The following BUD31 variants were observed in gnomAD, a reference collection of about 807,000 sequenced individuals.
BUD31 encodes protein BUD31 homolog.
Under a neutral mutation model 17.9 loss-of-function variants are expected in BUD31, and 9 were observed. The ratio of observed to expected loss-of-function variants is 0.50; its 90% CI spans 0.30 to 0.88. BUD31 has a LOEUF of 0.88. Among genes scored for constraint, BUD31 ranks in the 40% least tolerant of loss-of-function variants. The pLI is 0.06. For synonymous variants in BUD31, 70 were observed against 64.7 expected (o/e 1.08, Z -0.39); for missense variants, 148 against 184.5 (o/e 0.80, Z 1.15).
At position 99,416,264 on chromosome 7, in the gene BUD31, A is replaced by G. The variant is rs775964260; in HGVS notation, c.217+4A>G. The stretch of plus-strand genomic sequence containing the variant: ...AAGCGGAAAGCCATCAGCAGAGGTA[A>G]TTAGTCAGTCTCTCTTGGACTTTGA... On this transcript the variant is annotated splice_donor_region_variant and intron_variant, in intron 4 of 5. Coordinates refer to ENST00000222969, the MANE Select transcript of BUD31 (RefSeq NM_003910.4). The G allele has an allele frequency of 1.1e-5, 18 of 1,613,198 alleles. No homozygotes were observed. The highest frequency in any genetic ancestry group is 1.4e-5 in the Non-Finnish European group (16 of 1,179,300).
chr7:99,415,735 G>T (rs578255982), intron 3 of BUD31, among the ~76,000 whole-genome samples: 4 of 150,944 alleles, frequency 2.6e-5, no homozygotes, highest in African/African-American at 9.7e-5. Flanking sequence ...GGCCCTGTCC[G>T]GGCATAACAG....
intron 1 of BUD31, among the ~76,000 whole-genome samples, chr7:99,409,769 C>CGGGGGGGGGGTGGGGGGGGG (rs1795098964): frequency 2.1e-5 from 1 of 48,710 alleles, no homozygotes; most frequent in African/African-American, 5.7e-5. Flanking sequence ...GCTCTGTGGG[C>CGGGGGGGGGGTGGGGGGGGG]GGGGGGGGGG....
intron 2 of BUD31, among the ~76,000 whole-genome samples, chr7:99,410,404 T>TTTTGTTTTG (rs1795133425): frequency 6.6e-6 from 1 of 151,088 alleles, no homozygotes; most frequent in East Asian, 2.0e-4. Context: ...ATTTTTTTTT[T>TTTTGTTTTG]TTTTTGGTAG....
chr7:99,415,150 G>A (rs1584435574), intron 3 of BUD31: 1 of 450,052 alleles, frequency 2.2e-6, no homozygotes, highest in African/African-American at 2.0e-5. Context: ...AGCTGAGCCT[G>A]GGAATCCCAC....
chr7:99,417,770 G>T (rs571988991), intron 5 of BUD31, 175 bp downstream of exon 5: 1 of 1,531,372 alleles, frequency 6.5e-7, no homozygotes, highest in Admixed American at 2.0e-5. Context: ...GTGAGGCAGC[G>T]TGTGGCTGTG....
chr7:99,410,333 C>T (rs987479740), intron 2 of BUD31, among the ~76,000 whole-genome samples, 164 bp downstream of exon 2: 17 of 151,988 alleles, frequency 1.1e-4, no homozygotes, highest in African/African-American at 3.9e-4. Flanking sequence ...ATCCTCTTGC[C>T]TCAGCCTTCC....
rs1013770408 is a variant in BUD31, at chr7:99,417,457, C to G, written c.246C>G (p.Gly82=). 1.2e-6 allele frequency: 2 copies of G among 1,613,334 alleles called. No individual in the cohort carries two copies. Among genetic ancestry groups the G allele is most frequent in the African/African-American group, 2.7e-5 (2 of 74,870 alleles). The change falls in exon 5 of 6, where the codon GGC becomes GGG. Residue 82 remains glycine, a synonymous_variant. Transcript: ENST00000222969. The part of the protein sequence containing the change: ...RELYEYCIKE[G]YADKNLIAKW... ...TCTATGAATATTGTATTAAAGAAGG[C>G]TATGCAGACAAAAACCTGATTGCAA...
chr7:99,419,596 T>TAA lies in BUD31; in HGVS notation c.*158_*159dup, dbSNP rs1042799353. On this transcript the variant is annotated 3_prime_UTR_variant, in exon 6 of 6. Transcript: ENST00000222969. ...GTCTATCAGCTGTGATTTGTAAAAATAAAATCTTTAAATCTCTCGAGCCCC... is the reference window on the plus strand; with the variant it reads ...GTCTATCAGCTGTGATTTGTAAAAATAAAAAATCTTTAAATCTCTCGAGCCCC... 2.2e-6 allele frequency: 2 copies of TAA among 891,204 alleles called. No homozygotes were observed. Among genetic ancestry groups the TAA allele is most frequent in the African/African-American group, 3.4e-5 (2 of 59,220 alleles). 55.2% of individuals were successfully genotyped at this position (891,204 alleles called of 1,614,324 possible).
chr7:99,415,604 C>T (rs189335811), intron 3 of BUD31, among the ~76,000 whole-genome samples: 4 of 152,150 alleles, frequency 2.6e-5, no homozygotes, highest in East Asian at 3.9e-4. Flanking sequence ...TTCCCTTTCC[C>T]GGTCTGCTAA....
chr7:99,412,174 G>A (rs1795217526), intron 3 of BUD31, among the ~76,000 whole-genome samples: 1 of 152,144 alleles, frequency 6.6e-6, no homozygotes, highest in Non-Finnish European at 1.5e-5. Context: ...TAAATACTCA[G>A]TACTTGTTTT....
chr7:99,416,717 CT>C (rs59301509), intron 4 of BUD31: 500 of 98,928 alleles, frequency 5.1e-3, no homozygotes, highest in South Asian at 8.3e-3. Context: ...CCGCTCTTGG[CT>C]TTTTTTTTTT....
intron 3 of BUD31, 52 bp from the exon 4 acceptor site, chr7:99,416,086 T>A: frequency 3.1e-6 from 5 of 1,599,386 alleles, no homozygotes; most frequent in Non-Finnish European, 4.3e-6. Context: ...AAAAAGAAAA[T>A]CCTGCGCAGA....
intron 3 of BUD31, chr7:99,415,278 T>C (rs1357668614): frequency 2.2e-6 from 1 of 455,986 alleles, no homozygotes; most frequent in Non-Finnish European, 4.4e-6. Context: ...TAAGGCCACA[T>C]GGGTCACGTG....
intron 2 of BUD31, 140 bp from the exon 3 acceptor site, chr7:99,410,924 G>T: frequency 1.7e-6 from 1 of 602,924 alleles, no homozygotes; most frequent in Non-Finnish European, 2.9e-6. Flanking sequence ...GCCAGGATTT[G>T]AACACAGTCT....
intron 3 of BUD31, among the ~76,000 whole-genome samples, chr7:99,413,491 T>G (rs1466911690): frequency 6.6e-6 from 1 of 152,250 alleles, no homozygotes; most frequent in African/African-American, 2.4e-5. Context: ...ATGATTAGGA[T>G]GCCCATCTGT....
At chr7:99,411,727 TG>T in intron 3 of BUD31, 1 of 455,954 alleles carries the variant, frequency 2.2e-6, no homozygotes, top group South Asian at 1.5e-5. Context: ...TTTTTTGAGT[TG>T]GAGTCTTGCT....
At chr7:99,411,931 C>T in intron 3 of BUD31, 1 of 320,578 alleles carries the variant, frequency 3.1e-6, no homozygotes. Flanking sequence ...GTCTCGAACT[C>T]CTGGCCTCAA....
intron 3 of BUD31, chr7:99,415,032 G>T: frequency 4.0e-6 from 1 of 251,568 alleles, no homozygotes; most frequent in South Asian, 3.4e-5. Flanking sequence ...CCATAATTTT[G>T]ATTATAGTCA....
In BUD31 at chr7:99,419,590, T is replaced by C. The variant is rs1584447932; in HGVS notation, c.*149T>C. On this transcript the variant is annotated 3_prime_UTR_variant, in exon 6 of 6. Transcript: ENST00000222969. ...TTCGCTGTCTATCAGCTGTGATTTG[T>C]AAAAATAAAATCTTTAAATCTCTCG... is the stretch of plus-strand genomic sequence containing the variant. 1 of 926,606 alleles carries C rather than the reference T, an allele frequency of 1.1e-6. No homozygotes were observed. The allele number at this position is 926,606 out of a possible 1,614,324, so 57.4% of individuals were successfully genotyped here. A position where few individuals can be genotyped will look rare whatever the true frequency, so the allele number is the denominator to read the frequency against.
Sources: gnomAD v4.1 joint callset for allele counts (sites outside exome capture counted in the v4.1 genomes callset) on GRCh38, gnomAD v4.1.1 for gene constraint, MANE v1.5 for transcripts, NCBI Gene and HGNC (gene_info 2026-07-23, HGNC 2026-07-21) for gene names.